LOC122513141: variants seen among roughly 807,000 people sequenced by gnomAD.
At chr9:137,218,333 C>T in the LOC122513141 span, 6 of 398,234 alleles carry the variant, frequency 1.5e-5, no homozygotes, top group African/African-American at 4.1e-5. Flanking sequence ...ATCCTATCAC[C>T]GCAACCCTGG....
At chr9:137,218,726 G>C in the LOC122513141 span, 1 of 397,428 alleles carries the variant, frequency 2.5e-6, no homozygotes, top group African/African-American at 2.1e-5. Flanking sequence ...GTCCAGGGCA[G>C]TGGCCTTCAA....
chr9:137,218,931 C>T, the LOC122513141 span: 4 of 297,178 alleles, frequency 1.3e-5, no homozygotes, highest in East Asian at 1.1e-4. Context: ...AGACGGGCAC[C>T]GTACTGGCCA....
chr9:137,218,353 C>T, the LOC122513141 span: 16 of 397,946 alleles, frequency 4.0e-5, no homozygotes, highest in Admixed American at 1.8e-4. Flanking sequence ...GGCCCTGGGG[C>T]TCCCTGGAGC....
chr9:137,218,428 C>T, the LOC122513141 span: 7 of 398,474 alleles, frequency 1.8e-5, no homozygotes, highest in Non-Finnish European at 1.8e-5. Context: ...CCTTCCTGCC[C>T]TGTCCACCCT....
At chr9:137,218,749 A>T in the LOC122513141 span, 1 of 397,080 alleles carries the variant, frequency 2.5e-6, no homozygotes, top group Non-Finnish European at 4.4e-6. Context: ...AAGACCTCCC[A>T]TTGCTGAACC....
the LOC122513141 span, chr9:137,219,181 G>A: frequency 6.6e-6 from 1 of 152,416 alleles, no homozygotes; most frequent in African/African-American, 2.4e-5. Context: ...CAGACCAGGT[G>A]GGGGTTGGCG....
chr9:137,217,828 C>T, the LOC122513141 span: 1 of 397,314 alleles, frequency 2.5e-6, no homozygotes. Context: ...GGGCCCCCAC[C>T]CTCCACCTGG....
chr9:137,218,327 T>C, the LOC122513141 span: 1 of 397,990 alleles, frequency 2.5e-6, no homozygotes, highest in Non-Finnish European at 4.4e-6. Context: ...CCCTGCATCC[T>C]ATCACCGCAA....
At chr9:137,219,248 C>T in the LOC122513141 span, 1 of 152,264 alleles carries the variant, frequency 6.6e-6, no homozygotes, top group Non-Finnish European at 1.5e-5. Flanking sequence ...TAAGCTCTGC[C>T]CCTGCACACC....
chr9:137,218,245 A>G, the LOC122513141 span: 269,411 of 398,186 alleles, frequency 0.68, 91,337 homozygotes, highest in Admixed American at 0.73. Flanking sequence ...CCGTGCTGGA[A>G]TGGGAGATCT....
the LOC122513141 span, chr9:137,218,402 G>A: frequency 1.5e-4 from 59 of 398,328 alleles, no homozygotes; most frequent in East Asian, 9.3e-4. Flanking sequence ...GCCCGTGGGC[G>A]GCCGGGGCTG....
At chr9:137,218,948 G>C in the LOC122513141 span, 1 of 264,744 alleles carries the variant, frequency 3.8e-6, no homozygotes, top group East Asian at 6.6e-5. Flanking sequence ...GCCACGGGCT[G>C]ACGCCGGCCA....
At chr9:137,218,666 G>T in the LOC122513141 span, 3 of 398,344 alleles carry the variant, frequency 7.5e-6, no homozygotes, top group East Asian at 3.6e-5. Context: ...ACGTCCCCAT[G>T]CCTGGGTGCT....
At chr9:137,218,141 G>A in the LOC122513141 span, 4 of 398,116 alleles carry the variant, frequency 1.0e-5, no homozygotes, top group African/African-American at 2.1e-5. Flanking sequence ...CTGTAGCCAC[G>A]GCCTGTGTGT....
At chr9:137,218,671 G>C in the LOC122513141 span, 3 of 398,352 alleles carry the variant, frequency 7.5e-6, no homozygotes, top group Non-Finnish European at 1.3e-5. Context: ...CCCATGCCTG[G>C]GTGCTGTGAG....
the LOC122513141 span, chr9:137,219,223 C>A: frequency 6.6e-6 from 1 of 152,268 alleles, no homozygotes; most frequent in East Asian, 1.9e-4. Flanking sequence ...AAGGGCCCAC[C>A]CAGGCCTTGG....
the LOC122513141 span, chr9:137,218,658 G>C: frequency 2.5e-6 from 1 of 398,498 alleles, no homozygotes; most frequent in South Asian, 1.3e-4. Context: ...ACTGGCCCAC[G>C]TCCCCATGCC....
the LOC122513141 span, chr9:137,218,810 C>G: frequency 2.5e-6 from 1 of 395,932 alleles, no homozygotes; most frequent in South Asian, 1.4e-4. Context: ...CATGGCTGCA[C>G]TGCTGCCCAG....
At chr9:137,217,901 C>T in the LOC122513141 span, 1 of 398,338 alleles carries the variant, frequency 2.5e-6, no homozygotes, top group South Asian at 1.3e-4. Flanking sequence ...GTGCCTGGAC[C>T]CTCTGTGCCA....
Sources: allele counts gnomAD v4.1 joint callset, GRCh38; gene constraint gnomAD v4.1.1; transcripts MANE v1.5.